Variants in FGF7 observed in about 807,000 individuals in gnomAD.
FGF7 encodes fibroblast growth factor 7, also known as FGF-7.
FGF7 carries 6 observed loss-of-function variants against 20.5 expected under a neutral mutation model. The ratio of observed to expected loss-of-function variants is 0.29; its 90% CI spans 0.16 to 0.58. The LOEUF is 0.58. Ranked by LOEUF, FGF7 falls within the 20% of genes least tolerant of loss-of-function variation. The probability of loss-of-function intolerance (pLI) is 0.90; values close to 1 mark genes in which losing one functional copy is unlikely to be tolerated. For missense variants in FGF7, 144 were observed against 228.8 expected, an observed-to-expected ratio of 0.63 and a Z score of 2.39; for synonymous variants, 64 against 74.7, an observed-to-expected ratio of 0.86 and a Z score of 0.74.
intron 2 of FGF7, among the ~76,000 whole-genome samples, chr15:49,440,646 G>C (rs1465934087): frequency 6.6e-6 from 1 of 151,632 alleles, no homozygotes; most frequent in Non-Finnish European, 1.5e-5. Flanking sequence ...CTATTTGTCA[G>C]GCACAGTGCT....
intron 2 of FGF7, among the ~76,000 whole-genome samples, chr15:49,436,052 T>C (rs993517357): frequency 3.3e-5 from 5 of 151,522 alleles, no homozygotes; most frequent in Non-Finnish European, 7.4e-5. Flanking sequence ...AGTTACTTCA[T>C]TTCACGGAAG....
chr15:49,424,310 A>C lies in FGF7; in HGVS notation c.13A>C (p.Ile5Leu), dbSNP rs1284487933. MHKW[I>L]LTWILPTLLY... ...GCACTACACTATAATGCACAAATGGATACTGACATGGATCCTGCCAACTTT... is the reference window on the plus strand; with the variant it reads ...GCACTACACTATAATGCACAAATGGCTACTGACATGGATCCTGCCAACTTT... Residue 5 changes from isoleucine to leucine, a missense_variant, in exon 2 of 4, where the codon ATA (isoleucine) becomes CTA (leucine). Transcript: ENST00000267843. 2.5e-6 allele frequency: 4 copies of C among 1,613,396 alleles called. No individual in the cohort carries two copies. Among genetic ancestry groups the C allele is most frequent in the Non-Finnish European group, 3.4e-6 (4 of 1,179,514 alleles).
At chr15:49,450,594 C>G (rs1597275343) in intron 2 of FGF7, among the ~76,000 whole-genome samples, 1 of 152,218 alleles carries the variant, frequency 6.6e-6, no homozygotes, top group East Asian at 1.9e-4. Context: ...TGTAGAGCAA[C>G]TAGTTTCCAG....
intron 2 of FGF7, among the ~76,000 whole-genome samples, chr15:49,447,145 A>G (rs993045794): frequency 2.6e-5 from 4 of 151,654 alleles, no homozygotes; most frequent in Non-Finnish European, 5.9e-5. Flanking sequence ...AGGCTTTCAA[A>G]AAGTATTTCT....
intron 2 of FGF7, among the ~76,000 whole-genome samples, chr15:49,427,359 T>C (rs1036657292): frequency 3.9e-5 from 6 of 151,998 alleles, no homozygotes; most frequent in African/African-American, 1.4e-4. Context: ...TTCATTAAAA[T>C]GAGAGAAAAA....
At chr15:49,447,129 G>GATTT (rs1441950486) in intron 2 of FGF7, among the ~76,000 whole-genome samples, 2 of 151,596 alleles carry the variant, frequency 1.3e-5, no homozygotes, top group Non-Finnish European at 3.0e-5. Flanking sequence ...TTCCTACACT[G>GATTT]ATATAAGGCT....
chr15:49,474,848 C>T (rs151076984), intron 2 of FGF7, among the ~76,000 whole-genome samples: 4 of 152,232 alleles, frequency 2.6e-5, no homozygotes, highest in Admixed American at 6.5e-5. Context: ...TAATGCCTGA[C>T]GATTTGAAGT....
chr15:49,424,122 C>T lies in FGF7; in HGVS notation c.-176C>T. On this transcript the variant is annotated 5_prime_UTR_variant, in exon 2 of 4. Transcript: ENST00000267843. ...CAACAGAGTTATTTAAGGAGGAATCCTGTGTTGTTATCAGGAACTAAAAGG... is the reference window on the plus strand; with the variant it reads ...CAACAGAGTTATTTAAGGAGGAATCTTGTGTTGTTATCAGGAACTAAAAGG... 1.9e-6 allele frequency: 1 copy of T among 528,126 alleles called. No homozygotes were observed. Among genetic ancestry groups the T allele is most frequent in the Non-Finnish European group, 3.3e-6 (1 of 299,794 alleles). The allele number at this position is 528,126 out of a possible 1,614,324, so 32.7% of individuals were successfully genotyped here.
chr15:49,428,974 A>G (rs1402685548), intron 2 of FGF7, among the ~76,000 whole-genome samples: 1 of 152,022 alleles, frequency 6.6e-6, no homozygotes, highest in East Asian at 1.9e-4. Flanking sequence ...TCAGCGACTC[A>G]TTTGTCAACA....
Position 49,446,137 on chromosome 15 carries a change from G to T in FGF7, c.286+21554G>T, listed in dbSNP as rs554511582. ...AGTAATTAGTGTATTATAATTGGGA[G>T]TAGGCTGACAACAATTTTCATTGAG... On this transcript the variant is annotated intron_variant, in intron 2 of 3. Coordinates refer to ENST00000267843, the MANE Select transcript of FGF7 (RefSeq NM_002009.4). 9.1e-4 allele frequency among the ~76,000 whole-genome samples: 138 copies of T among 151,640 alleles called. 5 individuals carry two copies. In the South Asian group the frequency reaches 0.027, roughly 30 times the overall value.
intron 2 of FGF7, among the ~76,000 whole-genome samples, chr15:49,471,114 T>G (rs75345977): frequency 2.2e-3 from 333 of 152,002 alleles, no homozygotes; most frequent in African/African-American, 7.5e-3. Context: ...TTAAAGGGAG[T>G]AGAAAAACTA....
chr15:49,473,847 G>A (rs1014051687), intron 2 of FGF7, among the ~76,000 whole-genome samples: 4 of 151,866 alleles, frequency 2.6e-5, no homozygotes, highest in African/African-American at 9.7e-5. Context: ...TTCTACACAT[G>A]CTGTATGAGG....
chr15:49,448,761 G>A lies in FGF7; in HGVS notation c.286+24178G>A, dbSNP rs574840444. On this transcript the variant is annotated intron_variant, in intron 2 of 3. Transcript: ENST00000267843. ...GTCACACTCTGATAAGATAAGGAAG[G>A]CTCCCCCAAATACCCAGTAGTCTAA... Among the ~76,000 whole-genome samples the A allele has an allele frequency of 9.0e-4, 137 of 151,556 alleles. 5 individuals carry two copies. In the South Asian group the frequency reaches 0.028, roughly 30 times the overall value.
chr15:49,478,655 C>T (rs1882392584), intron 2 of FGF7, among the ~76,000 whole-genome samples: 1 of 152,034 alleles, frequency 6.6e-6, no homozygotes, highest in African/African-American at 2.4e-5. Context: ...CAAACCACTG[C>T]CTCCACTTTT....
chr15:49,444,915 AT>A (rs1731265937), intron 2 of FGF7, among the ~76,000 whole-genome samples: 1 of 151,686 alleles, frequency 6.6e-6, no homozygotes, highest in Admixed American at 6.6e-5. Context: ...AATACTGGTA[AT>A]TAGAAGCTTT....
At chr15:49,458,639 T>G (rs2053529792) in intron 2 of FGF7, among the ~76,000 whole-genome samples, 1 of 152,154 alleles carries the variant, frequency 6.6e-6, no homozygotes, top group African/African-American at 2.4e-5. Flanking sequence ...CCATATTTTC[T>G]GACTTTCATA....
intron 2 of FGF7, among the ~76,000 whole-genome samples, chr15:49,472,307 C>T (rs1797069555): frequency 6.6e-6 from 1 of 152,190 alleles, no homozygotes; most frequent in Admixed American, 6.5e-5. Context: ...ATTTAGCTCA[C>T]CGTTCCATAA....
At chr15:49,456,755 G>A (rs2053331866) in intron 2 of FGF7, among the ~76,000 whole-genome samples, 1 of 152,034 alleles carries the variant, frequency 6.6e-6, no homozygotes, top group Non-Finnish European at 1.5e-5. Flanking sequence ...GTCTCACTTT[G>A]AAAGATGAAC....
intron 2 of FGF7, among the ~76,000 whole-genome samples, chr15:49,439,300 G>C (rs62012203): frequency 3.3e-5 from 5 of 151,500 alleles, no homozygotes; most frequent in Non-Finnish European, 5.9e-5. Flanking sequence ...GAGAGGGAGG[G>C]AGAAAGAGAG....
Sources: gnomAD v4.1 joint callset for allele counts (sites outside exome capture counted in the v4.1 genomes callset) on GRCh38, gnomAD v4.1.1 for gene constraint, MANE v1.5 for transcripts, NCBI Gene and HGNC (gene_info 2026-07-23, HGNC 2026-07-21) for gene names.